CD99L2: variants seen among roughly 807,000 people sequenced by gnomAD.
The protein encoded by CD99L2 is CD99 antigen-like protein 2.
CD99L2 carries 24 observed loss-of-function variants against 27.3 expected under a neutral mutation model. The observed-to-expected ratio is 0.88, with a 90% CI of 0.64 to 1.24. CD99L2 has a LOEUF of 1.24. Ranked by LOEUF, CD99L2 falls within the 50% of genes most tolerant of loss-of-function variation. CD99L2 has a pLI of 0.00. For missense variants in CD99L2, 255 were observed against 221.6 expected, an observed-to-expected ratio of 1.15 and a Z score of -0.96; for synonymous variants, 97 against 87.9, an observed-to-expected ratio of 1.10 and a Z score of -0.58.
At chrX:150,796,482 AGAGT>A (rs2045799575) in intron 4 of CD99L2, among the ~76,000 whole-genome samples, 3 of 112,718 alleles carry the variant, frequency 2.7e-5, no homozygotes, top group Non-Finnish European at 5.6e-5. Context: ...ACCTAACAAT[AGAGT>A]GTCTAGACAC....
intron 1 of CD99L2, among the ~76,000 whole-genome samples, chrX:150,855,755 C>T (rs1169390613): frequency 9.0e-6 from 1 of 111,272 alleles, no homozygotes; most frequent in African/African-American, 3.3e-5. Context: ...GATGTAGCTG[C>T]AGGCCAAGGA....
chrX:150,878,760 T>C (rs1196657317), intron 1 of CD99L2, among the ~76,000 whole-genome samples: 4 of 111,866 alleles, frequency 3.6e-5, no homozygotes, highest in South Asian at 3.7e-4. Context: ...TGCAATTTAT[T>C]AATCAAAGCA....
chrX:150,824,136 GGAGGA>G (rs2046289800), intron 2 of CD99L2, among the ~76,000 whole-genome samples: 7 of 69,081 alleles, frequency 1.0e-4, no homozygotes, highest in South Asian at 1.1e-3. Flanking sequence ...AGGAGGAGGA[GGAGGA>G]GAAGAAGGAA....
intron 7 of CD99L2, among the ~76,000 whole-genome samples, chrX:150,778,702 AT>A (rs1557419366): frequency 7.7e-5 from 8 of 103,945 alleles, no homozygotes; most frequent in East Asian, 2.9e-4. Context: ...ATATATATAT[AT>A]ATATATAAAT....
intron 1 of CD99L2, among the ~76,000 whole-genome samples, chrX:150,893,394 G>C (rs368318677): frequency 9.1e-6 from 1 of 109,562 alleles, no homozygotes; most frequent in African/African-American, 3.3e-5. Context: ...GGCCAACTCT[G>C]CAGATGCTTT....
intron 8 of CD99L2, 36 bp from the exon 9 acceptor site, chrX:150,776,329 G>C: frequency 2.6e-6 from 3 of 1,166,765 alleles, no homozygotes; most frequent in Non-Finnish European, 3.4e-6. Context: ...GGACAGGTGA[G>C]GTCAGAGACA....
intron 1 of CD99L2, among the ~76,000 whole-genome samples, chrX:150,851,250 T>C (rs2046787387): frequency 8.9e-6 from 1 of 112,135 alleles, no homozygotes. Flanking sequence ...TCCCATCTTC[T>C]TCCTCCCTTT....
At chrX:150,770,192 C>T (rs934726180) in intron 10 of CD99L2, 112 bp downstream of exon 10, 2 of 731,602 alleles carry the variant, frequency 2.7e-6, no homozygotes, top group Non-Finnish European at 4.1e-6. Context: ...TCTGGCCGGA[C>T]ATTCTAGAAG....
intron 7 of CD99L2, among the ~76,000 whole-genome samples, chrX:150,791,786 T>C (rs1466826987): frequency 6.3e-5 from 7 of 110,900 alleles, no homozygotes; most frequent in African/African-American, 2.0e-4. Flanking sequence ...AGAAAGGCAA[T>C]AGGACCTGTT....
At chrX:150,839,729 T>G (rs1222627470) in intron 1 of CD99L2, among the ~76,000 whole-genome samples, 1 of 106,342 alleles carries the variant, frequency 9.4e-6, no homozygotes, top group African/African-American at 3.5e-5. Flanking sequence ...CAACAAAAAT[T>G]TAAAAATTAG....
At chrX:150,834,124 A>G (rs1359286393) in intron 1 of CD99L2, among the ~76,000 whole-genome samples, 1 of 112,269 alleles carries the variant, frequency 8.9e-6, no homozygotes, top group African/African-American at 3.2e-5. Flanking sequence ...AGCTTCTCAA[A>G]AGAAGAGATA....
At position 150,772,802 on chromosome X, in the gene CD99L2, G is replaced by A. The variant is rs192049355; in HGVS notation, c.656-2433C>T. Among the ~76,000 whole-genome samples the A allele has an allele frequency of 1.7e-4, 19 of 111,099 alleles. No homozygotes were observed. The South Asian group carries it at 5.5e-3, about 32-fold the overall frequency. On this transcript the variant is annotated intron_variant, in intron 9 of 10. Coordinates refer to ENST00000370377, the MANE Select transcript of CD99L2 (RefSeq NM_031462.4). Reference sequence around the variant, plus strand: ...CAAATCCCAGGACTGGGGAATGCACGGACATGAGGTGGGGGGACAGGAGGA... The same window carrying A: ...CAAATCCCAGGACTGGGGAATGCACAGACATGAGGTGGGGGGACAGGAGGA...
chrX:150,791,067 C>T (rs1557419697), intron 7 of CD99L2, among the ~76,000 whole-genome samples: 1 of 111,228 alleles, frequency 9.0e-6, no homozygotes, highest in African/African-American at 3.3e-5. Flanking sequence ...AAGAAGATAG[C>T]CATCTCCAAA....
intron 2 of CD99L2, among the ~76,000 whole-genome samples, chrX:150,826,321 A>G (rs2046366940): frequency 8.9e-6 from 1 of 112,073 alleles, no homozygotes; most frequent in African/African-American, 3.2e-5. Context: ...ATTCCCAGGG[A>G]ATGGGGACAT....
chrX:150,857,300 T>C (rs1557421784), intron 1 of CD99L2, among the ~76,000 whole-genome samples: 2 of 110,987 alleles, frequency 1.8e-5, no homozygotes, highest in Non-Finnish European at 3.8e-5. Context: ...AAAGGTCTTT[T>C]CAATGGCACA....
chrX:150,876,098 A>C (rs2047224868), intron 1 of CD99L2, among the ~76,000 whole-genome samples: 1 of 112,103 alleles, frequency 8.9e-6, no homozygotes, highest in African/African-American at 3.2e-5. Flanking sequence ...ATGGTATGAG[A>C]CATGTGGGCT....
At chrX:150,819,479 G>T (rs1287392784) in intron 2 of CD99L2, among the ~76,000 whole-genome samples, 1 of 111,165 alleles carries the variant, frequency 9.0e-6, no homozygotes. Flanking sequence ...AAAAAGAAGA[G>T]CAAACTAAAC....
intron 1 of CD99L2, among the ~76,000 whole-genome samples, chrX:150,897,334 A>G (rs1288579276): frequency 8.9e-6 from 1 of 112,725 alleles, no homozygotes; most frequent in Admixed American, 9.4e-5. Flanking sequence ...CTACCGCATC[A>G]TCAGTTCCTA....
At chrX:150,877,916 C>T (rs1709237406) in intron 1 of CD99L2, among the ~76,000 whole-genome samples, 1 of 108,943 alleles carries the variant, frequency 9.2e-6, no homozygotes, top group Non-Finnish European at 1.9e-5. Flanking sequence ...GAATGCTAGG[C>T]ACTCCAGGCT....
Sources: gnomAD v4.1 joint callset for allele counts (sites outside exome capture counted in the v4.1 genomes callset) on GRCh38, gnomAD v4.1.1 for gene constraint, MANE v1.5 for transcripts, NCBI Gene and HGNC (gene_info 2026-07-23, HGNC 2026-07-21) for gene names.